ATP4A: variants seen among roughly 807,000 people sequenced by gnomAD.
ATP4A encodes ATPase H+/K+ transporting subunit alpha.
A neutral mutation model predicts 112.1 loss-of-function variants in ATP4A; 73 were observed. The observed-to-expected ratio is 0.65, with a 90% CI of 0.54 to 0.79. ATP4A has a LOEUF of 0.79. Among genes scored for constraint, ATP4A ranks in the 30% least tolerant of loss-of-function variants. The pLI, the probability that ATP4A is intolerant of heterozygous loss-of-function variation, is 0.00. For missense variants in ATP4A, 1,081 were observed against 1,425.9 expected, an observed-to-expected ratio of 0.76 and a Z score of 3.90; for synonymous variants, 588 against 588.9, an observed-to-expected ratio of 1.00 and a Z score of 0.02.
Position 35,558,102 on chromosome 19 carries a change from T to G in ATP4A, c.1501-255A>C. On this transcript the variant is annotated intron_variant, in intron 10 of 21. Coordinates refer to ENST00000262623, the MANE Select transcript of ATP4A (RefSeq NM_000704.3). This position sits in a 1 kb window ranked among gnomAD's most constrained non-coding sequence, Gnocchi z 5.1. ...GAATGAACAGAATTAGGGTGCGGAGTTGGGCTGGGGGCGGATTTGGAGAGC... is the reference window on the plus strand; with the variant it reads ...GAATGAACAGAATTAGGGTGCGGAGGTGGGCTGGGGGCGGATTTGGAGAGC... The G allele has an allele frequency of 1.6e-6, 1 of 610,642 alleles. No individual in the cohort carries two copies. Among genetic ancestry groups the G allele is most frequent in the African/African-American group, 1.9e-5 (1 of 53,086 alleles). 37.8% of individuals were successfully genotyped at this position (610,642 alleles called of 1,614,324 possible). A position where few individuals can be genotyped will look rare whatever the true frequency, so the allele number is the denominator to read the frequency against.
chr19:35,554,781 C>T (rs990124949), intron 16 of ATP4A, 141 bp downstream of exon 16: 2 of 1,230,982 alleles, frequency 1.6e-6, no homozygotes, highest in Non-Finnish European at 2.3e-6. Context: ...ATGTGTCCTG[C>T]ACTGGCTGTC....
Position 35,550,350 on chromosome 19 carries a change from A to T in ATP4A, c.*265T>A. ...CAGCTGTACTCCCTGTCAGAGCCCC[A>T]CCGCCACCACAGGTGGCGGCTTTCC... On this transcript the variant is annotated 3_prime_UTR_variant, in exon 22 of 22. Coordinates refer to ENST00000262623, the MANE Select transcript of ATP4A (RefSeq NM_000704.3). The surrounding 1 kb of genome is among the most constrained non-coding windows in gnomAD (Gnocchi z 4.1). 1.9e-6 allele frequency: 1 copy of T among 534,390 alleles called. No homozygotes were observed. The highest frequency in any genetic ancestry group is 3.4e-6 in the Non-Finnish European group (1 of 298,192). The allele number at this position is 534,390 out of a possible 1,614,324, so 33.1% of individuals were successfully genotyped here.
At position 35,558,618 on chromosome 19, in the gene ATP4A, C is replaced by T. The variant is rs768449697; in HGVS notation, c.1324G>A (p.Ala442Thr). ...GCATCCTGGCCGGACTTGAAGGCGG[C>T]GCGGTTGCACAGGGTGAGCACCCGG... ...LCRVLTLCNR[A>T]AFKSGQDAVP... is the part of the protein sequence containing the mutation. The change falls in exon 9 of 22, where the codon GCC becomes ACC. Residue 442 changes from alanine (A) to threonine (T), a missense_variant. Physicochemically the swap from Ala to Thr is moderately conservative, Grantham distance 58. This residue lies in a region of ATP4A where 850 missense variants were observed against 1,068.2 expected (regional missense o/e 0.80). Transcript: ENST00000262623. The surrounding 1 kb of genome is among the most constrained non-coding windows in gnomAD (Gnocchi z 5.1). The T allele has an allele frequency of 6.2e-7, 1 of 1,601,998 alleles. No individual in the cohort carries two copies. Among genetic ancestry groups the T allele is most frequent in the South Asian group, 1.1e-5 (1 of 88,638 alleles).
Position 35,559,881 on chromosome 19 carries a change from G to T in ATP4A, c.980C>A (p.Thr327Asn), listed in dbSNP as rs201382109. The T allele has an allele frequency of 1.2e-6, 2 of 1,614,234 alleles. No individual in the cohort carries two copies. Among genetic ancestry groups the T allele is most frequent in the South Asian group, 2.2e-5 (2 of 91,082 alleles). ...GAAGAAGACCATGGCCCGCAGGAAGGTGTAGCCAATGCACATGGCCACAAT... is the reference window on the plus strand; with the variant it reads ...GAAGAAGACCATGGCCCGCAGGAAGTTGTAGCCAATGCACATGGCCACAAT... ...FFIVAMCIGY[T>N]FLRAMVFFMA... Residue 327 changes from threonine (T) to asparagine (N), a missense_variant, in exon 7 of 22, where the codon ACC (threonine) becomes AAC (asparagine). Thr to Asn is a moderately conservative substitution (Grantham distance 65). Coordinates refer to ENST00000262623, the MANE Select transcript of ATP4A (RefSeq NM_000704.3). The surrounding 1 kb of genome is among the most constrained non-coding windows in gnomAD (Gnocchi z 4.1).
chr19:35,558,877 C>G lies in ATP4A; in HGVS notation c.1255+116G>C. 1 of 1,388,646 alleles carries G rather than the reference C, an allele frequency of 7.2e-7. No homozygotes were observed. The highest frequency in any genetic ancestry group is 1.8e-5 in the Admixed American group (1 of 54,378). 86.0% of individuals were successfully genotyped at this position (1,388,646 alleles called of 1,614,324 possible). A position where few individuals can be genotyped will look rare whatever the true frequency, so the allele number is the denominator to read the frequency against. On this transcript the variant is annotated intron_variant, in intron 8 of 21. Transcript: ENST00000262623. This position sits in a 1 kb window ranked among gnomAD's most constrained non-coding sequence, Gnocchi z 5.1. Reference sequence around the variant, plus strand: ...ACCCGGTAGCGAGTCTCCTTTGAGACCTGGAGCCGAGCCGCCCCGCCTTCG... The same window carrying G: ...ACCCGGTAGCGAGTCTCCTTTGAGAGCTGGAGCCGAGCCGCCCCGCCTTCG...
chr19:35,554,715 C>T (rs978288585), intron 16 of ATP4A, among the ~76,000 whole-genome samples: 3 of 123,758 alleles, frequency 2.4e-5, no homozygotes, highest in Admixed American at 8.7e-5. Context: ...CCTGAGTGTC[C>T]GCCTGTGTGT....
In ATP4A at chr19:35,558,287, C is replaced by T. The variant is rs2146309936; in HGVS notation, c.1500+75G>A. On this transcript the variant is annotated intron_variant, in intron 10 of 21. Coordinates refer to ENST00000262623, the MANE Select transcript of ATP4A (RefSeq NM_000704.3). This position sits in a 1 kb window ranked among gnomAD's most constrained non-coding sequence, Gnocchi z 5.1. ...GGCAAGGAGCGAAGCCCCTCGTGGC[C>T]CGCTGATGTGGGTGTGGCCTGGGGC... is the stretch of plus-strand genomic sequence containing the variant. The T allele has an allele frequency of 6.6e-7, 1 of 1,519,826 alleles. No individual in the cohort carries two copies. The highest frequency in any genetic ancestry group is 2.4e-5 in the East Asian group (1 of 42,006). The allele number at this position is 1,519,826 out of a possible 1,614,324, so 94.1% of individuals were successfully genotyped here.
Position 35,555,097 on chromosome 19 carries a change from C to T in ATP4A, c.2327-21G>A, listed in dbSNP as rs1833396346. 3.7e-6 allele frequency: 6 copies of T among 1,613,012 alleles called. No homozygotes were observed. The highest frequency in any genetic ancestry group is 5.1e-6 in the Non-Finnish European group (6 of 1,179,322). ...TCGACCTGTGGGGTAGGGTGGGCAC[C>T]TCAGCCTCCTCACAGCCCTCTCCCT... On this transcript the variant is annotated intron_variant, in intron 15 of 21. Transcript: ENST00000262623. The surrounding 1 kb of genome is among the most constrained non-coding windows in gnomAD (Gnocchi z 6.6).
Position 35,551,657 on chromosome 19 carries a change from A to C in ATP4A, c.2752-77T>G. 2 of 1,549,176 alleles carry C rather than the reference A, an allele frequency of 1.3e-6. No homozygotes were observed. Among genetic ancestry groups the C allele is most frequent in the Non-Finnish European group, 1.7e-6 (2 of 1,143,700 alleles). ...GGAGAGCCTCTGCAGCCCACCGGGC[A>C]TAGGGTCCCAGGGCCGTGAACCCCT... On this transcript the variant is annotated intron_variant, in intron 18 of 21. Transcript: ENST00000262623. The surrounding 1 kb of genome is among the most constrained non-coding windows in gnomAD (Gnocchi z 5.2).
Position 35,559,960 on chromosome 19 carries a change from G to A in ATP4A, c.901C>T (p.His301Tyr), listed in dbSNP as rs536354696. ...AGGCCCGCGATGATGTCCACAAAATGCTCGATCTCGATAGCGATGGGTGTC... is the reference window on the plus strand; with the variant it reads ...AGGCCCGCGATGATGTCCACAAAATACTCGATCTCGATAGCGATGGGTGTC... ...EKTPIAIEIE[H>Y]FVDIIAGLAI... The change falls in exon 7 of 22, where the codon CAT (histidine) becomes TAT (tyrosine). Residue 301 changes from histidine (H) to tyrosine (Y), a missense_variant. Transcript: ENST00000262623. The surrounding 1 kb of genome is among the most constrained non-coding windows in gnomAD (Gnocchi z 4.1). 2.5e-6 allele frequency: 4 copies of A among 1,614,240 alleles called. No homozygotes were observed. In the East Asian group the frequency reaches 8.9e-5, roughly 36 times the overall value.
At position 35,558,779 on chromosome 19, in the gene ATP4A, T is replaced by C; in HGVS notation, c.1256-93A>G. 1 of 1,374,776 alleles carries C rather than the reference T, an allele frequency of 7.3e-7. No individual in the cohort carries two copies. The highest frequency in any genetic ancestry group is 9.7e-7 in the Non-Finnish European group (1 of 1,026,114). 85.2% of individuals were successfully genotyped at this position (1,374,776 alleles called of 1,614,324 possible). A position where few individuals can be genotyped will look rare whatever the true frequency, so the allele number is the denominator to read the frequency against. On this transcript the variant is annotated intron_variant, in intron 8 of 21. Transcript: ENST00000262623. The surrounding 1 kb of genome is among the most constrained non-coding windows in gnomAD (Gnocchi z 5.1). ...TCCTAGGCTCATATCGCGGGCCCCC[T>C]CCCCAGACCTGGGTGGAATTGGGTT...
chr19:35,558,275 GC>G lies in ATP4A; in HGVS notation c.1500+86del. Reference sequence around the variant, plus strand: ...GCGGAGAGAAGGGGCAAGGAGCGAAGCCCCTCGTGGCCCGCTGATGTGGGTG... The same window carrying G: ...GCGGAGAGAAGGGGCAAGGAGCGAAGCCCTCGTGGCCCGCTGATGTGGGTG... On this transcript the variant is annotated intron_variant, in intron 10 of 21. Coordinates refer to ENST00000262623, the MANE Select transcript of ATP4A (RefSeq NM_000704.3). This position sits in a 1 kb window ranked among gnomAD's most constrained non-coding sequence, Gnocchi z 5.1. The G allele has an allele frequency of 6.8e-7, 1 of 1,474,576 alleles. No homozygotes were observed. The highest frequency in any genetic ancestry group is 9.1e-7 in the Non-Finnish European group (1 of 1,099,420). The allele number at this position is 1,474,576 out of a possible 1,614,324, so 91.3% of individuals were successfully genotyped here. A position where few individuals can be genotyped will look rare whatever the true frequency, so the allele number is the denominator to read the frequency against.
Position 35,558,741 on chromosome 19 carries a change from C to T in ATP4A, c.1256-55G>A. Reference sequence around the variant, plus strand: ...GCACGGCGGCTCTCCCGGACCAGAACCGAGCCCCCTCCTCCTAGGCTCATA... The same window carrying T: ...GCACGGCGGCTCTCCCGGACCAGAATCGAGCCCCCTCCTCCTAGGCTCATA... On this transcript the variant is annotated intron_variant, in intron 8 of 21. Transcript: ENST00000262623. The surrounding 1 kb of genome is among the most constrained non-coding windows in gnomAD (Gnocchi z 5.1). The T allele has an allele frequency of 2.7e-6, 4 of 1,507,018 alleles. No homozygotes were observed. Among genetic ancestry groups the T allele is most frequent in the Non-Finnish European group, 3.6e-6 (4 of 1,122,120 alleles). 93.4% of individuals were successfully genotyped at this position (1,507,018 alleles called of 1,614,324 possible). A position where few individuals can be genotyped will look rare whatever the true frequency, so the allele number is the denominator to read the frequency against.
Position 35,551,177 on chromosome 19 carries a change from G to A in ATP4A, c.2886-66C>T. On this transcript the variant is annotated intron_variant, in intron 19 of 21. Transcript: ENST00000262623. This position sits in a 1 kb window ranked among gnomAD's most constrained non-coding sequence, Gnocchi z 5.2. ...GACGTGATGGAAATCAGGATACTGT[G>A]GGTCAAAGTAGGTCAGATGTCAGCA... The A allele has an allele frequency of 1.3e-6, 2 of 1,486,502 alleles. No homozygotes were observed. The highest frequency in any genetic ancestry group is 2.4e-5 in the South Asian group (2 of 82,522). 92.1% of individuals were successfully genotyped at this position (1,486,502 alleles called of 1,614,324 possible).
At position 35,558,855 on chromosome 19, in the gene ATP4A, C is replaced by T; in HGVS notation, c.1255+138G>A. The T allele has an allele frequency of 7.7e-7, 1 of 1,296,516 alleles. No individual in the cohort carries two copies. Among genetic ancestry groups the T allele is most frequent in the South Asian group, 1.4e-5 (1 of 73,120 alleles). 80.3% of individuals were successfully genotyped at this position (1,296,516 alleles called of 1,614,324 possible). On this transcript the variant is annotated intron_variant, in intron 8 of 21. Transcript: ENST00000262623. The surrounding 1 kb of genome is among the most constrained non-coding windows in gnomAD (Gnocchi z 5.1). The stretch of plus-strand genomic sequence containing the variant: ...CCCGGATGACCCTTCCCTCTAGACC[C>T]GGTAGCGAGTCTCCTTTGAGACCTG...
chr19:35,563,280 G>A lies in ATP4A; in HGVS notation c.157-12C>T, dbSNP rs763326919. Reference sequence around the variant, plus strand: ...AGCTGGTGGTCGTTCTGTGTGGTGGGGTGGGGCAGGGTGCTTGCTCTGGGC... The same window carrying A: ...AGCTGGTGGTCGTTCTGTGTGGTGGAGTGGGGCAGGGTGCTTGCTCTGGGC... On this transcript the variant is annotated splice_polypyrimidine_tract_variant and intron_variant, in intron 2 of 21. Transcript: ENST00000262623. The A allele has an allele frequency of 5.0e-6, 8 of 1,613,814 alleles. No homozygotes were observed. In the Middle Eastern group the frequency reaches 4.9e-4, roughly 100 times the overall value.
Position 35,563,642 on chromosome 19 carries a change from C to A in ATP4A, c.-13G>T. 6.2e-7 allele frequency: 1 copy of A among 1,612,366 alleles called. No homozygotes were observed. The highest frequency in any genetic ancestry group is 8.5e-7 in the Non-Finnish European group (1 of 1,179,256). ...CGGCCTTCCCCATGGTGCCCGGTGC[C>A]TGTGCTCCCACCCAACAGAGCCTGG... On this transcript the variant is annotated 5_prime_UTR_variant, in exon 1 of 22. The change creates a new upstream start codon in the 5' untranslated region. Transcript: ENST00000262623.
At chr19:35,562,172 T>TA (rs1479021401) in intron 4 of ATP4A, among the ~76,000 whole-genome samples, 2 of 152,088 alleles carry the variant, frequency 1.3e-5, no homozygotes, top group Non-Finnish European at 2.9e-5. Context: ...TCCCATCTCT[T>TA]ACGTATCACA....
chr19:35,553,722 G>A lies in ATP4A; in HGVS notation c.2589C>T (p.Tyr863=), dbSNP rs770694776. The A allele has an allele frequency of 1.1e-5, 17 of 1,613,634 alleles. No homozygotes were observed. The East Asian group carries it at 1.8e-4, about 17-fold the overall frequency. ...DRLVNEPLAA[Y]SYFQIGAIQS... is the part of the protein sequence containing the mutation. ...GGCACCCACCAATCTGGAAGTAGGA[G>A]TAGGCAGCCAGGGGCTCGTTGACCA... The change falls in exon 17 of 22, where the codon TAC becomes TAT. Residue 863 remains tyrosine, a synonymous_variant. Transcript: ENST00000262623.
Sources: allele counts gnomAD v4.1 joint callset (sites outside exome capture counted in the v4.1 genomes callset), GRCh38; gene constraint gnomAD v4.1.1; regional missense constraint gnomAD v4.1.1; non-coding constraint Gnocchi (gnomAD v3.1); transcripts MANE v1.5; gene names NCBI Gene and HGNC (gene_info 2026-07-23, HGNC 2026-07-21).